HTR2C: variants seen among roughly 807,000 people sequenced by gnomAD.
HTR2C encodes 5-hydroxytryptamine receptor 2C.
HTR2C carries 5 observed loss-of-function variants against 21.0 expected under a neutral mutation model. The ratio of observed to expected loss-of-function variants is 0.24; its 90% CI spans 0.12 to 0.50. The LOEUF is 0.50. HTR2C is among the 20% of genes least tolerant of loss of function. HTR2C has a pLI of 0.98. For missense variants in HTR2C, 271 were observed against 371.2 expected (o/e 0.73, Z 2.22); for synonymous variants, 150 against 145.3 (o/e 1.03, Z -0.23).
At chrX:114,738,608 A>C (rs1265712520) in intron 4 of HTR2C, among the ~76,000 whole-genome samples, 2 of 110,150 alleles carry the variant, frequency 1.8e-5, no homozygotes, top group Non-Finnish European at 3.8e-5. Context: ...GGACACAGGG[A>C]GGGGAACATC....
At chrX:114,595,200 A>G (rs782152315) in intron 1 of HTR2C, among the ~76,000 whole-genome samples, 11 of 111,278 alleles carry the variant, frequency 9.9e-5, no homozygotes, top group Non-Finnish European at 1.9e-4. Context: ...CAAACCCATG[A>G]GTTCTTATTC....
At chrX:114,762,647 C>A (rs1342895820) in intron 4 of HTR2C, among the ~76,000 whole-genome samples, 1 of 111,643 alleles carries the variant, frequency 9.0e-6, no homozygotes, top group Non-Finnish European at 1.9e-5. Context: ...CTGAATTTTG[C>A]CTGCAGATAA....
intron 2 of HTR2C, among the ~76,000 whole-genome samples, chrX:114,715,037 TC>T (rs1330190938): frequency 8.9e-6 from 1 of 112,328 alleles, no homozygotes; most frequent in African/African-American, 3.2e-5. Context: ...ATCTGGTACT[TC>T]TAGCTATTTC....
chrX:114,900,206 T>A (rs1343200485), intron 5 of HTR2C, among the ~76,000 whole-genome samples: 2 of 111,909 alleles, frequency 1.8e-5, no homozygotes, highest in African/African-American at 6.5e-5. Context: ...AAACATTCTC[T>A]TTTTCTTCTG....
intron 3 of HTR2C, among the ~76,000 whole-genome samples, chrX:114,729,480 G>C (rs2069515138): frequency 8.9e-6 from 1 of 111,734 alleles, no homozygotes; most frequent in African/African-American, 3.2e-5. Context: ...TAAATACAGT[G>C]ACAGAGTAAT....
chrX:114,633,947 T>TATATATATATAGAG (rs201763901), intron 2 of HTR2C, among the ~76,000 whole-genome samples: 7 of 92,194 alleles, frequency 7.6e-5, no homozygotes, highest in Admixed American at 2.6e-4. Context: ...TATATATATA[T>TATATATATATAGAG]AGAGAGAGAG....
At chrX:114,585,605 C>T (rs1294985838) in intron 1 of HTR2C, among the ~76,000 whole-genome samples, 1 of 111,203 alleles carries the variant, frequency 9.0e-6, no homozygotes, top group Non-Finnish European at 1.9e-5. Flanking sequence ...GCGCCATGCC[C>T]TTTGCCTTTT....
At chrX:114,709,775 C>G (rs1932864678) in intron 2 of HTR2C, among the ~76,000 whole-genome samples, 1 of 111,239 alleles carries the variant, frequency 9.0e-6, no homozygotes, top group South Asian at 3.7e-4. Flanking sequence ...TTGTTCCTTT[C>G]TTCATGCCTG....
chrX:114,741,704 C>G (rs1227008678), intron 4 of HTR2C, among the ~76,000 whole-genome samples: 1 of 104,413 alleles, frequency 9.6e-6, no homozygotes, highest in Non-Finnish European at 1.9e-5. Flanking sequence ...AATAAGAGTT[C>G]TGATGACAAC....
At chrX:114,806,222 C>T (rs1304944570) in intron 4 of HTR2C, among the ~76,000 whole-genome samples, 1 of 87,342 alleles carries the variant, frequency 1.1e-5, no homozygotes, top group Non-Finnish European at 2.1e-5. Context: ...ACTCTATATA[C>T]CATATATATA....
chrX:114,878,144 G>A (rs782024521), intron 5 of HTR2C, among the ~76,000 whole-genome samples: 18 of 110,479 alleles, frequency 1.6e-4, no homozygotes, highest in African/African-American at 5.9e-4. Flanking sequence ...CTTCAGAGTT[G>A]AGAGCATATA....
intron 2 of HTR2C, chrX:114,715,423 A>G: frequency 3.5e-6 from 1 of 289,201 alleles, no homozygotes; most frequent in Non-Finnish European, 7.1e-6. Context: ...AATGGGAAGT[A>G]GGAATTGCTT....
intron 4 of HTR2C, among the ~76,000 whole-genome samples, chrX:114,733,820 T>C (rs1556423877): frequency 9.0e-6 from 1 of 111,048 alleles, no homozygotes; most frequent in Non-Finnish European, 1.9e-5. Context: ...CTGTCAGTCA[T>C]GTTCATAGAA....
intron 4 of HTR2C, among the ~76,000 whole-genome samples, chrX:114,794,546 T>G (rs2070269872): frequency 1.5e-5 from 1 of 66,839 alleles, no homozygotes; most frequent in African/African-American, 6.1e-5. Flanking sequence ...CCCACAACAG[T>G]CCCTGGTGTG....
At chrX:114,790,084 A>G (rs2070216950) in intron 4 of HTR2C, among the ~76,000 whole-genome samples, 1 of 111,869 alleles carries the variant, frequency 8.9e-6, no homozygotes, top group Admixed American at 9.5e-5. Context: ...GTTTATTCTG[A>G]GATAGACTAT....
chrX:114,631,461 A>C (rs1275150160), intron 2 of HTR2C, among the ~76,000 whole-genome samples: 2 of 111,942 alleles, frequency 1.8e-5, no homozygotes, highest in African/African-American at 6.5e-5. Context: ...CTAGTCCATA[A>C]AATAAGGTTG....
chrX:114,765,249 A>G (rs1459899215), intron 4 of HTR2C, among the ~76,000 whole-genome samples: 2 of 109,960 alleles, frequency 1.8e-5, no homozygotes, highest in African/African-American at 6.6e-5. Flanking sequence ...CTCAGTCCTT[A>G]CTTCATGAAC....
At chrX:114,667,245 T>C (rs1931210396) in intron 2 of HTR2C, among the ~76,000 whole-genome samples, 1 of 111,299 alleles carries the variant, frequency 9.0e-6, no homozygotes, top group South Asian at 3.7e-4. Flanking sequence ...ATTAATTATT[T>C]ATGCAGAGCT....
intron 4 of HTR2C, among the ~76,000 whole-genome samples, chrX:114,807,447 C>CAT (rs1239547099): frequency 2.5e-5 from 1 of 40,328 alleles, no homozygotes; most frequent in African/African-American, 7.1e-5. Context: ...ATATATATAC[C>CAT]ATATATATAC....
Sources: gnomAD v4.1 joint callset for allele counts (sites outside exome capture counted in the v4.1 genomes callset) on GRCh38, gnomAD v4.1.1 for gene constraint, MANE v1.5 for transcripts, NCBI Gene and HGNC (gene_info 2026-07-23, HGNC 2026-07-21) for gene names.